The following DLGAP1 variants were observed in gnomAD, a reference collection of about 807,000 sequenced individuals.
DLGAP1 encodes DLG associated protein 1.
DLGAP1 carries 11 observed loss-of-function variants against 90.8 expected under a neutral mutation model. That is an observed-to-expected ratio of 0.12 (90% confidence interval 0.08 to 0.20). The LOEUF is 0.20. Ranked by LOEUF, DLGAP1 falls within the 10% of genes least tolerant of loss-of-function variation. The pLI is 1.00. For missense variants in DLGAP1, 1,050 were observed against 1,333.8 expected (o/e 0.79, Z 3.31); for synonymous variants, 558 against 540.7 (o/e 1.03, Z -0.44).
intron 1 of DLGAP1, among the ~76,000 whole-genome samples, chr18:4,291,706 T>G (rs1598828834): frequency 6.6e-6 from 1 of 152,118 alleles, no homozygotes; most frequent in Non-Finnish European, 1.5e-5. Flanking sequence ...CACTATTAAT[T>G]TATATTGTGT....
intron 7 of DLGAP1, among the ~76,000 whole-genome samples, chr18:3,723,449 T>TA (rs2062047645): frequency 6.6e-6 from 1 of 152,112 alleles, no homozygotes; most frequent in Non-Finnish European, 1.5e-5. Flanking sequence ...GTGGAGTACT[T>TA]AAAGATTTTT....
At chr18:3,583,231 T>G (rs1040068436) in intron 7 of DLGAP1, among the ~76,000 whole-genome samples, 1 of 149,532 alleles carries the variant, frequency 6.7e-6, no homozygotes, top group Non-Finnish European at 1.5e-5. Flanking sequence ...CCTCCCTCCC[T>G]TTCTCTCTCT....
chr18:4,435,145 A>G (rs1324437376), intron 1 of DLGAP1, among the ~76,000 whole-genome samples: 1 of 152,202 alleles, frequency 6.6e-6, no homozygotes, highest in Non-Finnish European at 1.5e-5. Context: ...AAAATTGAAC[A>G]TGGAATGAGA....
At chr18:4,026,785 T>C (rs2074706066) in intron 2 of DLGAP1, among the ~76,000 whole-genome samples, 1 of 152,204 alleles carries the variant, frequency 6.6e-6, no homozygotes, top group African/African-American at 2.4e-5. Flanking sequence ...AAAAACCTTT[T>C]CACAGTCTTT....
intron 9 of DLGAP1, among the ~76,000 whole-genome samples, chr18:3,562,642 T>A (rs1476131515): frequency 1.3e-5 from 2 of 149,218 alleles, no homozygotes; most frequent in South Asian, 4.3e-4. Flanking sequence ...CCTCCTGGGT[T>A]CAAGTGATTT....
chr18:4,384,960 TCTTCTTTGCTGATTCCGAA>T (rs148430351), intron 1 of DLGAP1, among the ~76,000 whole-genome samples: 6,486 of 152,252 alleles, frequency 0.043, 441 homozygotes, highest in African/African-American at 0.15. Context: ...ACTCCCTTTA[TCTTCTTTGCTGATTCCGAA>T]CTCCACTGTG....
rs1284389482 is a variant in DLGAP1 at position 3,879,225 on chromosome 18, T to C, written c.844A>G (p.Thr282Ala). 13 of 1,588,638 alleles carry C rather than the reference T, an allele frequency of 8.2e-6. No individual in the cohort carries two copies. Among genetic ancestry groups the C allele is most frequent in the African/African-American group, 1.3e-5 (1 of 74,286 alleles). ...TCCCGGGCCCGGCTCACGGTGAGCG[T>C]GGAGGACCAGGCGCTCTTCTTCAGC... ...PLLKKSAWSS[T>A]LTVSRAREVY... Residue 282 changes from threonine to alanine, a missense_variant, in exon 4 of 13, where the codon ACG (threonine) becomes GCG (alanine). Around this residue, in one of 2 missense-constraint regions of DLGAP1, gnomAD observed 485 missense variants for 454.1 expected, o/e 1.07. Transcript: ENST00000315677. This position sits in a 1 kb window ranked among gnomAD's most constrained non-coding sequence, Gnocchi z 6.6.
rs377646815 is a variant in DLGAP1, at chr18:4,105,901, G to A, written c.-159+45279C>T. Reference sequence around the variant, plus strand: ...AAAAAAATTAGCCGGGCGTGGTGGCGGGCACCTGTAGTCCCAGCTACTCGG... The same window carrying A: ...AAAAAAATTAGCCGGGCGTGGTGGCAGGCACCTGTAGTCCCAGCTACTCGG... On this transcript the variant is annotated intron_variant, in intron 2 of 12. Transcript: ENST00000315677. Among the ~76,000 whole-genome samples, 282 of 151,762 alleles carry A rather than the reference G, an allele frequency of 1.9e-3. 1 individual carries two copies. Among genetic ancestry groups the A allele is most frequent in the African/African-American group, 6.1e-3 (251 of 41,422 alleles).
chr18:4,362,537 A>G (rs1203219270), intron 1 of DLGAP1, among the ~76,000 whole-genome samples: 3 of 152,194 alleles, frequency 2.0e-5, no homozygotes, highest in African/African-American at 7.2e-5. Flanking sequence ...AAAATCACAG[A>G]GACAGAAAGT....
rs188275890 is a variant in DLGAP1, at chr18:4,094,083, T to C, written c.-159+57097A>G. Among the ~76,000 whole-genome samples, 75 of 152,314 alleles carry C rather than the reference T, an allele frequency of 4.9e-4. 2 individuals carry two copies. In the East Asian group the frequency reaches 0.013, roughly 26 times the overall value. ...TCCTTAGTATTTTATGATTTTTACA[T>C]CCTTTATGAATCAACCCAGCCTCCA... On this transcript the variant is annotated intron_variant, in intron 2 of 12. Coordinates refer to ENST00000315677, the MANE Select transcript of DLGAP1 (RefSeq NM_004746.4).
chr18:3,594,479 T>TA (rs1001870323), intron 7 of DLGAP1: 5 of 152,042 alleles, frequency 3.3e-5, no homozygotes, highest in African/African-American at 1.2e-4. Flanking sequence ...GTGGATCAGC[T>TA]ACGAGGTAAG....
intron 1 of DLGAP1, among the ~76,000 whole-genome samples, chr18:4,212,705 T>G (rs1598631920): frequency 6.6e-6 from 1 of 151,978 alleles, no homozygotes; most frequent in African/African-American, 2.4e-5. Flanking sequence ...TTAATTGGTA[T>G]ACTTTTCATA....
chr18:4,385,238 T>C (rs1317135868), intron 1 of DLGAP1, among the ~76,000 whole-genome samples: 1 of 152,136 alleles, frequency 6.6e-6, no homozygotes, highest in African/African-American at 2.4e-5. Context: ...TACTCTCCGA[T>C]GATCTCAGGC....
chr18:4,135,793 T>C (rs1227331953), intron 2 of DLGAP1, among the ~76,000 whole-genome samples: 1 of 149,924 alleles, frequency 6.7e-6, no homozygotes, highest in African/African-American at 2.4e-5. Flanking sequence ...TCTGATTCTT[T>C]TTTTTTTTTT....
At chr18:4,166,837 CAG>C (rs2076941288) in intron 1 of DLGAP1, among the ~76,000 whole-genome samples, 1 of 152,056 alleles carries the variant, frequency 6.6e-6, no homozygotes. Flanking sequence ...TAGGCAAATT[CAG>C]AGAGACAAAA....
At chr18:3,840,902 A>G (rs1321739729) in intron 4 of DLGAP1, among the ~76,000 whole-genome samples, 1 of 152,188 alleles carries the variant, frequency 6.6e-6, no homozygotes, top group Non-Finnish European at 1.5e-5. Context: ...GTTGCCTCTC[A>G]CATTTTCCAG....
chr18:3,811,776 GAGAA>G (rs2066856641), intron 5 of DLGAP1, among the ~76,000 whole-genome samples: 1 of 152,200 alleles, frequency 6.6e-6, no homozygotes, highest in Non-Finnish European at 1.5e-5. Context: ...GAAGGCAAAT[GAGAA>G]AGAAAGAGTT....
intron 1 of DLGAP1, among the ~76,000 whole-genome samples, chr18:4,311,812 T>A (rs968830037): frequency 6.6e-6 from 1 of 151,986 alleles, no homozygotes; most frequent in Non-Finnish European, 1.5e-5. Context: ...ACCTCCCGGG[T>A]TCAAGCAATT....
intron 1 of DLGAP1, among the ~76,000 whole-genome samples, chr18:4,392,514 C>T (rs910316120): frequency 6.6e-6 from 1 of 152,132 alleles, no homozygotes; most frequent in Non-Finnish European, 1.5e-5. Flanking sequence ...GATCTTGTGT[C>T]ATAACACACT....
Sources: allele counts gnomAD v4.1 joint callset (sites outside exome capture counted in the v4.1 genomes callset), GRCh38; gene constraint gnomAD v4.1.1; regional missense constraint gnomAD v4.1.1; non-coding constraint Gnocchi (gnomAD v3.1); transcripts MANE v1.5; gene names NCBI Gene and HGNC (gene_info 2026-07-23, HGNC 2026-07-21).